The following FAM91A1 variants were observed in gnomAD, a reference collection of about 807,000 sequenced individuals.
FAM91A1 encodes the protein protein FAM91A1.
Under a neutral mutation model 113.5 loss-of-function variants are expected in FAM91A1, and 41 were observed. The ratio of observed to expected loss-of-function variants is 0.36; its 90% confidence interval spans 0.28 to 0.47. FAM91A1 has a LOEUF of 0.47. FAM91A1 is among the 20% of genes least tolerant of loss of function. FAM91A1 has a pLI of 1.00. For synonymous variants in FAM91A1, 307 were observed against 347.9 expected (o/e 0.88, Z 1.31); for missense variants, 696 against 1,001.2 (o/e 0.70, Z 4.11).
rs138776802 is a variant in FAM91A1 at position 123,773,516 on chromosome 8, C to T, written c.73-564C>T. On this transcript the variant is annotated intron_variant, in intron 1 of 23. Coordinates refer to ENST00000334705, the MANE Select transcript of FAM91A1 (RefSeq NM_144963.4). The stretch of plus-strand genomic sequence containing the variant: ...GACTTTAGCTTATTAAAAATGGCTC[C>T]GAATTCTAAAATTGTCTAAATGCCT... Among the ~76,000 whole-genome samples the T allele has an allele frequency of 4.7e-4, 71 of 152,216 alleles. No individual in the cohort carries two copies. In the East Asian group the frequency reaches 0.012, roughly 26 times the overall value.
chr8:123,780,180 T>C (rs989125024), intron 7 of FAM91A1, 105 bp downstream of exon 7: 1 of 962,294 alleles, frequency 1.0e-6, no homozygotes, highest in East Asian at 2.5e-5. Context: ...AGTACTAGTT[T>C]CTAAGGCATG....
intron 8 of FAM91A1, among the ~76,000 whole-genome samples, chr8:123,781,677 G>A (rs1054682259): frequency 6.6e-6 from 1 of 151,944 alleles, no homozygotes; most frequent in Non-Finnish European, 1.5e-5. Flanking sequence ...TAGAGACAGG[G>A]TTTCACCATT....
intron 20 of FAM91A1, 114 bp downstream of exon 20, chr8:123,806,343 A>G (rs1309491619): frequency 1.8e-6 from 2 of 1,124,200 alleles, no homozygotes; most frequent in Admixed American, 2.5e-5. Flanking sequence ...TGAATACTCA[A>G]TATTCTTTCA....
intron 8 of FAM91A1, among the ~76,000 whole-genome samples, chr8:123,781,736 C>T (rs369798611): frequency 1.4e-3 from 213 of 152,286 alleles, no homozygotes; most frequent in African/African-American, 4.6e-3. Flanking sequence ...CTGCCCGCCT[C>T]GGCCTCCCAA....
chr8:123,790,605 T>G (rs1350920286), intron 15 of FAM91A1, among the ~76,000 whole-genome samples: 1 of 152,222 alleles, frequency 6.6e-6, no homozygotes, highest in African/African-American at 2.4e-5. Flanking sequence ...TTCTTAATCA[T>G]CTCCATTTTC....
In FAM91A1 at chr8:123,768,633, G is replaced by GGGCGGGCA; in HGVS notation, c.-63_-56dup. On this transcript the variant is annotated 5_prime_UTR_variant, in exon 1 of 24. Transcript: ENST00000334705. ...CCGCGTCGCTCCGCTGACAGGCTGCGGGCGGGCAGGCGGGAGGCGTAGTGT... is the reference window on the plus strand; with the variant it reads ...CCGCGTCGCTCCGCTGACAGGCTGCGGGCGGGCAGGCGGGCAGGCGGGAGGCGTAGTGT... 1 of 1,384,140 alleles carries GGGCGGGCA rather than the reference G, an allele frequency of 7.2e-7. No individual in the cohort carries two copies. Among genetic ancestry groups the GGGCGGGCA allele is most frequent in the South Asian group, 1.3e-5 (1 of 76,944 alleles). The allele number at this position is 1,384,140 out of a possible 1,614,324, so 85.7% of individuals were successfully genotyped here.
intron 19 of FAM91A1, 149 bp downstream of exon 19, chr8:123,805,488 T>A: frequency 1.5e-6 from 1 of 662,944 alleles, no homozygotes; most frequent in Non-Finnish European, 2.5e-6. Context: ...AAAAGGTAGT[T>A]TTTTGTCATG....
In FAM91A1 at chr8:123,787,246, T is replaced by C; in HGVS notation, c.1079-15T>C. 6.4e-7 allele frequency: 1 copy of C among 1,570,192 alleles called. No individual in the cohort carries two copies. Among genetic ancestry groups the C allele is most frequent in the African/African-American group, 1.4e-5 (1 of 73,880 alleles). On this transcript the variant is annotated splice_polypyrimidine_tract_variant and intron_variant, in intron 12 of 23. Transcript: ENST00000334705. ...AATTTCCATTTACTTGATTTTAAAT[T>C]ATGGTGTTTTTCAGCTGACACAGCC...
chr8:123,773,906 C>G (rs1814917751), intron 1 of FAM91A1, among the ~76,000 whole-genome samples, 174 bp from the exon 2 acceptor site: 1 of 152,104 alleles, frequency 6.6e-6, no homozygotes, highest in African/African-American at 2.4e-5. Context: ...GCTCTGAATA[C>G]TGTAGCAGGA....
intron 22 of FAM91A1, 63 bp downstream of exon 22, chr8:123,809,079 C>T (rs1815886037): frequency 3.8e-6 from 6 of 1,578,614 alleles, no homozygotes; most frequent in Non-Finnish European, 5.2e-6. Flanking sequence ...CAAATAGTTA[C>T]CATATCTTAC....
chr8:123,812,439 G>T, intron 23 of FAM91A1, 80 bp from the exon 24 acceptor site: 4 of 1,249,658 alleles, frequency 3.2e-6, no homozygotes, highest in South Asian at 1.6e-5. Flanking sequence ...AGGTAATCAA[G>T]GTCTCTCTTT....
chr8:123,775,288 G>A lies in FAM91A1; in HGVS notation c.299G>A (p.Gly100Glu). ...LRITPFSYYT[G>E]IMEDIMNSEK... The stretch of plus-strand genomic sequence containing the variant: ...ATAACACCATTTTCATATTATACTG[G>A]GATTATGGAGGTGAGTTTACAGTGT... Residue 100 changes from glycine to glutamate, a missense_variant, in exon 3 of 24, where the codon GGG becomes GAG. Transcript: ENST00000334705. 1 of 1,613,472 alleles carries A rather than the reference G, an allele frequency of 6.2e-7. No homozygotes were observed. The highest frequency in any genetic ancestry group is 1.3e-5 in the African/African-American group (1 of 75,020).
intron 8 of FAM91A1, among the ~76,000 whole-genome samples, chr8:123,782,426 A>G (rs1044544656): frequency 2.0e-5 from 3 of 152,240 alleles, no homozygotes; most frequent in Non-Finnish European, 2.9e-5. Context: ...ACAACAAAAC[A>G]AACAAGCACT....
Position 123,777,340 on chromosome 8 carries a change from C to G in FAM91A1, c.367+18C>G, listed in dbSNP as rs752274214. ...TGCTGACTGTAAGTATTTAATTGTG[C>G]TGAAGAAGGTAATGTTTAGGTTGTG... On this transcript the variant is annotated intron_variant, in intron 4 of 23. Transcript: ENST00000334705. 1.2e-6 allele frequency: 2 copies of G among 1,606,304 alleles called. No homozygotes were observed. Among genetic ancestry groups the G allele is most frequent in the Non-Finnish European group, 1.7e-6 (2 of 1,175,512 alleles).
intron 8 of FAM91A1, among the ~76,000 whole-genome samples, chr8:123,784,016 A>G (rs575610624): frequency 2.6e-5 from 4 of 152,344 alleles, no homozygotes; most frequent in African/African-American, 4.8e-5. Context: ...GACAGAGCCA[A>G]TACTTTGCAT....
At chr8:123,778,126 C>CCTG in intron 5 of FAM91A1, 34 bp downstream of exon 5, 1 of 1,513,298 alleles carries the variant, frequency 6.6e-7, no homozygotes, top group South Asian at 1.2e-5. Flanking sequence ...TTGTTTTGGC[C>CCTG]TCATCACACA....
intron 1 of FAM91A1, among the ~76,000 whole-genome samples, chr8:123,769,347 T>C (rs1031666654): frequency 3.9e-5 from 6 of 152,188 alleles, no homozygotes; most frequent in Non-Finnish European, 8.8e-5. Flanking sequence ...ACATGTCTCA[T>C]GAGTAGCAAG....
chr8:123,779,895 A>G (rs1815078651), intron 6 of FAM91A1, 90 bp from the exon 7 acceptor site: 3 of 1,031,154 alleles, frequency 2.9e-6, no homozygotes, highest in Non-Finnish European at 4.3e-6. Flanking sequence ...ATGACATGTA[A>G]TCACTGGTTT....
rs1815335485 is a variant in FAM91A1, at chr8:123,789,645, A to G, written c.1311A>G (p.Arg437=). 1.2e-6 allele frequency: 2 copies of G among 1,611,990 alleles called. No homozygotes were observed. The highest frequency in any genetic ancestry group is 1.7e-6 in the Non-Finnish European group (2 of 1,179,730). ...GCACTGGTGAAGGAGAAGCACAGAG[A>G]TATTTTGATCATGCACTTACTCTGA... ...VQSTGEGEAQ[R]YFDHALTLRN... Residue 437 remains arginine, a synonymous_variant, in exon 15 of 24, where the codon AGA becomes AGG. Coordinates refer to ENST00000334705, the MANE Select transcript of FAM91A1 (RefSeq NM_144963.4).
Sources: allele counts gnomAD v4.1 joint callset (sites outside exome capture counted in the v4.1 genomes callset), GRCh38; gene constraint gnomAD v4.1.1; transcripts MANE v1.5; gene names NCBI Gene and HGNC (gene_info 2026-07-23, HGNC 2026-07-21).